SEC14L1: variants seen among roughly 807,000 people sequenced by gnomAD.
SEC14L1 encodes the protein SEC14-like protein 1.
Under a neutral mutation model 85.3 loss-of-function variants are expected in SEC14L1, and 48 were observed. That is an observed-to-expected ratio of 0.56 (90% CI 0.45 to 0.72). The LOEUF (loss-of-function observed/expected upper bound fraction) is 0.72, where lower values mean the gene tolerates loss of function less well. Among genes scored for constraint, SEC14L1 ranks in the 30% least tolerant of loss-of-function variants. The pLI, the probability that SEC14L1 is intolerant of heterozygous loss-of-function variation, is 0.00. For missense variants in SEC14L1, 682 were observed against 921.4 expected (o/e 0.74, Z 3.36); for synonymous variants, 391 against 355.5 (o/e 1.10, Z -1.12).
rs188243954 is a variant in SEC14L1 at position 77,192,038 on chromosome 17, G to A, written c.345+726G>A. Among the ~76,000 whole-genome samples, 103 of 151,672 alleles carry A rather than the reference G, an allele frequency of 6.8e-4. 1 individual carries two copies. The highest frequency in any genetic ancestry group is 2.0e-3 in the African/African-American group (84 of 41,334). Reference sequence around the variant, plus strand: ...TCTCCAACTCCTGACCTCATGATCCGTCTGCCTCGTCCTCCCAAAATGCTG... The same window carrying A: ...TCTCCAACTCCTGACCTCATGATCCATCTGCCTCGTCCTCCCAAAATGCTG... On this transcript the variant is annotated intron_variant, in intron 5 of 16. Coordinates refer to ENST00000436233, the MANE Select transcript of SEC14L1 (RefSeq NM_001143998.2).
intron 3 of SEC14L1, among the ~76,000 whole-genome samples, chr17:77,121,574 A>G (rs551480803): frequency 6.6e-6 from 1 of 152,002 alleles, no homozygotes; most frequent in South Asian, 2.1e-4. Flanking sequence ...GGCCAGGATG[A>G]TCTCAATCTC....
At chr17:77,134,298 G>A (rs1386467192) in intron 3 of SEC14L1, among the ~76,000 whole-genome samples, 2 of 150,604 alleles carry the variant, frequency 1.3e-5, no homozygotes, top group Non-Finnish European at 2.9e-5. Flanking sequence ...CACCGAGGCT[G>A]TAGTGCAGTG....
intron 3 of SEC14L1, among the ~76,000 whole-genome samples, chr17:77,155,437 T>C (rs1001127156): frequency 1.3e-5 from 2 of 152,196 alleles, no homozygotes; most frequent in Non-Finnish European, 2.9e-5. Context: ...TACCTTACCC[T>C]CAGAGCAGAA....
Position 77,200,604 on chromosome 17 carries a change from C to G in SEC14L1, c.940C>G (p.Leu314Val), listed in dbSNP as rs779087898. The change falls in exon 9 of 17, where the codon CTT (leucine) becomes GTT (valine). Residue 314 changes from leucine to valine, a missense_variant. This residue lies in a region of SEC14L1 where 420 missense variants were observed against 619.5 expected (regional missense o/e 0.68). Transcript: ENST00000436233. ...AAAGCAGCATCAGGTAGACTACATT[C>G]TTGAAACCTGGACCCCTCCTCAGGT... ...WRKQHQVDYI[L>V]ETWTPPQVLQ... 14 of 1,614,144 alleles carry G rather than the reference C, an allele frequency of 8.7e-6. No individual in the cohort carries two copies. Among genetic ancestry groups the G allele is most frequent in the Non-Finnish European group, 1.1e-5 (13 of 1,180,014 alleles).
chr17:77,125,731 C>T (rs555235932), intron 3 of SEC14L1, among the ~76,000 whole-genome samples: 35 of 152,318 alleles, frequency 2.3e-4, no homozygotes, highest in African/African-American at 7.5e-4. Context: ...TGCTGGAGGC[C>T]CCTGGCCATC....
At chr17:77,091,641 A>G (rs1261408350) in intron 2 of SEC14L1, among the ~76,000 whole-genome samples, 4 of 152,120 alleles carry the variant, frequency 2.6e-5, no homozygotes, top group Admixed American at 2.0e-4. Flanking sequence ...GTGTTGGTCT[A>G]CAGTGCATTA....
chr17:77,096,690 G>A (rs62078265), intron 3 of SEC14L1, among the ~76,000 whole-genome samples: 23,649 of 152,140 alleles, frequency 0.16, 1,955 homozygotes, highest in African/African-American at 0.17. Flanking sequence ...TGTGTTCTCT[G>A]ATGTAACTTG....
At chr17:77,164,746 G>A (rs1974212812) in intron 3 of SEC14L1, among the ~76,000 whole-genome samples, 1 of 152,164 alleles carries the variant, frequency 6.6e-6, no homozygotes. Context: ...CGGAGTGGGA[G>A]GAAGTTGCTA....
intron 8 of SEC14L1, among the ~76,000 whole-genome samples, 188 bp downstream of exon 8, chr17:77,196,499 A>G (rs891295217): frequency 6.6e-6 from 1 of 152,238 alleles, no homozygotes; most frequent in African/African-American, 2.4e-5. Context: ...ATAATGCATG[A>G]CTAACTGCAT....
At chr17:77,109,611 T>C (rs1567872634) in intron 3 of SEC14L1, among the ~76,000 whole-genome samples, 1 of 152,236 alleles carries the variant, frequency 6.6e-6, no homozygotes, top group Non-Finnish European at 1.5e-5. Context: ...TGCAGGAGTT[T>C]AGTCCAAAAC....
At position 77,206,701 on chromosome 17, in the gene SEC14L1, G is replaced by A. The variant is rs1976480248; in HGVS notation, c.1342-27G>A. ...GGACACTCAGGCAGCAGAGAAATATGACTGCATGGTCTTCTCCTCCTCACA... is the reference window on the plus strand; with the variant it reads ...GGACACTCAGGCAGCAGAGAAATATAACTGCATGGTCTTCTCCTCCTCACA... On this transcript the variant is annotated intron_variant, in intron 12 of 16. Coordinates refer to ENST00000436233, the MANE Select transcript of SEC14L1 (RefSeq NM_001143998.2). This position sits in a 1 kb window ranked among gnomAD's most constrained non-coding sequence, Gnocchi z 4.3. The A allele has an allele frequency of 1.3e-6, 2 of 1,571,370 alleles. No homozygotes were observed. Among genetic ancestry groups the A allele is most frequent in the South Asian group, 1.2e-5 (1 of 83,616 alleles).
upstream of SEC14L1, among the ~76,000 whole-genome samples, chr17:77,136,173 C>T (rs1490966054): frequency 6.6e-6 from 1 of 151,392 alleles, no homozygotes; most frequent in Non-Finnish European, 1.5e-5. Flanking sequence ...CTGCGCCTGG[C>T]CCCTTCTCTT....
In SEC14L1 at chr17:77,192,009, C is replaced by T. The variant is rs1404994253; in HGVS notation, c.345+697C>T. ...ACAGGGTTTCACCATGTTGGCCAGG[C>T]TGGTCTCCAACTCCTGACCTCATGA... On this transcript the variant is annotated intron_variant, in intron 5 of 16. Transcript: ENST00000436233. Among the ~76,000 whole-genome samples, 73 of 151,870 alleles carry T rather than the reference C, an allele frequency of 4.8e-4. 1 individual carries two copies. The highest frequency in any genetic ancestry group is 4.8e-3 in the Admixed American group (73 of 15,242).
intron 3 of SEC14L1, among the ~76,000 whole-genome samples, chr17:77,134,445 C>T (rs191318264): frequency 1.4e-4 from 21 of 152,068 alleles, no homozygotes; most frequent in Middle Eastern, 3.4e-3. Context: ...AGGCCGGGTG[C>T]GGTGGCTCAT....
chr17:77,187,830 C>T (rs12602027), intron 3 of SEC14L1, among the ~76,000 whole-genome samples: 21,878 of 150,822 alleles, frequency 0.15, 1,938 homozygotes, highest in Middle Eastern at 0.21. Flanking sequence ...CTGCAGCCTG[C>T]ACCTCCTGGG....
chr17:77,179,523 T>G (rs1021578445), intron 3 of SEC14L1, among the ~76,000 whole-genome samples: 1 of 152,154 alleles, frequency 6.6e-6, no homozygotes. Context: ...TATAGCACTT[T>G]AGGATGAACT....
At chr17:77,095,065 G>C (rs1188899391) in intron 3 of SEC14L1, 2 of 152,202 alleles carry the variant, frequency 1.3e-5, no homozygotes, top group Non-Finnish European at 2.9e-5. Flanking sequence ...GGGGTGACTT[G>C]TCTGTCCTTG....
chr17:77,204,522 C>CCTTTTTTTTTTTTTTTTTTTTTTT (rs1555628453), intron 10 of SEC14L1, among the ~76,000 whole-genome samples: 3 of 84,728 alleles, frequency 3.5e-5, no homozygotes, highest in Non-Finnish European at 4.8e-5. Context: ...GCCCAGCCAG[C>CCTTTTTTTTTTTTTTTTTTTTTTT]TTTTTTTTTT....
chr17:77,190,920 C>G lies in SEC14L1; in HGVS notation c.181C>G (p.Leu61Val). The G allele has an allele frequency of 6.2e-7, 1 of 1,614,166 alleles. No individual in the cohort carries two copies. The highest frequency in any genetic ancestry group is 8.5e-7 in the Non-Finnish European group (1 of 1,180,028). The change falls in exon 4 of 17, where the codon CTG becomes GTG. Residue 61 changes from leucine to valine, a missense_variant. Leu to Val is a conservative substitution (Grantham distance 32, BLOSUM62 1). This residue lies in a region of SEC14L1 where 139 missense variants were observed against 201.3 expected (regional missense o/e 0.69). Transcript: ENST00000436233. ...AIHVIERRCK[L>V]DVDAPRLLKK... Reference sequence around the variant, plus strand: ...TCATGTCATTGAAAGGCGCTGCAAGCTGGATGTAGATGCACCCAGACTGCT... The same window carrying G: ...TCATGTCATTGAAAGGCGCTGCAAGGTGGATGTAGATGCACCCAGACTGCT...
Sources: gnomAD v4.1 joint callset for allele counts (sites outside exome capture counted in the v4.1 genomes callset) on GRCh38, gnomAD v4.1.1 for gene constraint, gnomAD v4.1.1 regional missense constraint, Gnocchi (gnomAD v3.1) non-coding constraint, MANE v1.5 for transcripts, NCBI Gene and HGNC (gene_info 2026-07-23, HGNC 2026-07-21) for gene names.